Variants in MYO7A observed in about 807,000 individuals in gnomAD.
MYO7A encodes myosin VIIA.
In MYO7A, 210 loss-of-function variants were observed where a neutral mutation model predicts 263.8. That is an observed-to-expected ratio of 0.80 (90% CI 0.71 to 0.89). The LOEUF is 0.89. Ranked by LOEUF, MYO7A falls within the 40% of genes least tolerant of loss-of-function variation. The pLI is 0.00. For missense variants in MYO7A, 2,820 were observed against 2,968.3 expected (o/e 0.95, Z 1.16); for synonymous variants, 1,239 against 1,197.3 (o/e 1.03, Z -0.72).
At chr11:77,131,450 C>T (rs1950764420) in intron 2 of MYO7A, among the ~76,000 whole-genome samples, 1 of 152,220 alleles carries the variant, frequency 6.6e-6, no homozygotes, top group African/African-American at 2.4e-5. Context: ...GAGAGGCAGG[C>T]TTCAGGGCAG....
At chr11:77,163,010 C>G in intron 14 of MYO7A, 22 bp downstream of exon 14, 1 of 1,612,178 alleles carries the variant, frequency 6.2e-7, no homozygotes, top group Non-Finnish European at 8.5e-7. Context: ...TGCCGGCTGT[C>G]TGTCACTCCC....
intron 25 of MYO7A, 49 bp downstream of exon 25, chr11:77,182,649 AG>A (rs1955342360): frequency 1.9e-6 from 3 of 1,598,984 alleles, no homozygotes; most frequent in Admixed American, 1.7e-5. Context: ...GCCGACAAGG[AG>A]GGCCGCTGGC....
At chr11:77,194,083 T>C (rs1312311987) in intron 31 of MYO7A, 1 of 645,892 alleles carries the variant, frequency 1.5e-6, no homozygotes, top group East Asian at 3.1e-5. Context: ...TTTGCATCAC[T>C]TCATGTGCCC....
At position 77,161,124 on chromosome 11, in the gene MYO7A, TG is replaced by T. The variant is rs782309924; in HGVS notation, c.1343+13del. 5 of 1,613,674 alleles carry T rather than the reference TG, an allele frequency of 3.1e-6. No homozygotes were observed. In the South Asian group the frequency reaches 5.5e-5, roughly 18 times the overall value. Reference sequence around the variant, plus strand: ...AACTTTGCTGTGAACAGGTACCGCGTGGGGCTCTGCTCATGGGAATTTCCTT... The same window carrying T: ...AACTTTGCTGTGAACAGGTACCGCGTGGGCTCTGCTCATGGGAATTTCCTT... On this transcript the variant is annotated intron_variant, in intron 12 of 48. Transcript: ENST00000409709.
intron 44 of MYO7A, 192 bp from the exon 45 acceptor site, chr11:77,210,960 A>C: frequency 1.7e-6 from 1 of 574,758 alleles, no homozygotes; most frequent in Non-Finnish European, 3.1e-6. Context: ...GAGTCTGTGC[A>C]GGCAGACTTG....
chr11:77,132,467 T>TTTTG (rs113813737), intron 2 of MYO7A, among the ~76,000 whole-genome samples: 9,637 of 151,132 alleles, frequency 0.064, 420 homozygotes, highest in East Asian at 0.24. Flanking sequence ...AAAACAGGGG[T>TTTTG]TTTGTTTGTT....
chr11:77,152,989 A>T (rs1952107186), intron 4 of MYO7A, among the ~76,000 whole-genome samples: 1 of 152,120 alleles, frequency 6.6e-6, no homozygotes, highest in African/African-American at 2.4e-5. Context: ...CGAGGGTGGC[A>T]GGAGCCAGGG....
intron 19 of MYO7A, 132 bp from the exon 20 acceptor site, chr11:77,178,913 A>G: frequency 1.5e-6 from 1 of 674,958 alleles, no homozygotes. Flanking sequence ...CACAGAAGTT[A>G]TGTGCCTTGC....
intron 45 of MYO7A, 107 bp downstream of exon 45, chr11:77,211,444 T>C: frequency 7.9e-7 from 1 of 1,266,664 alleles, no homozygotes. Context: ...AGGTGCATCT[T>C]GTGGTTCTTG....
Position 77,183,042 on chromosome 11 carries a change from G to T in MYO7A, c.3286-26G>T. The T allele has an allele frequency of 1.9e-6, 3 of 1,546,448 alleles. No individual in the cohort carries two copies. The South Asian group carries it at 3.6e-5, about 18-fold the overall frequency. On this transcript the variant is annotated intron_variant, in intron 25 of 48. Transcript: ENST00000409709. Reference sequence around the variant, plus strand: ...GACATTGCTTTCTGCTCAGCCACTTGACCCTGATCCCTGCTGGTCCTGCAG... The same window carrying T: ...GACATTGCTTTCTGCTCAGCCACTTTACCCTGATCCCTGCTGGTCCTGCAG...
chr11:77,189,242 A>G, intron 27 of MYO7A, 102 bp from the exon 28 acceptor site: 2 of 1,518,838 alleles, frequency 1.3e-6, no homozygotes, highest in Non-Finnish European at 1.8e-6. Flanking sequence ...GGCAAGTTGG[A>G]GAGGACAGCT....
chr11:77,201,996 T>C (rs149577593), intron 36 of MYO7A, among the ~76,000 whole-genome samples: 68 of 152,220 alleles, frequency 4.5e-4, no homozygotes, highest in African/African-American at 1.5e-3. Context: ...GCTTCCCTAG[T>C]GGCTCCTGAG....
chr11:77,162,082 C>G lies in MYO7A; in HGVS notation c.1344-38C>G, dbSNP rs1555069190. 4 of 1,554,710 alleles carry G rather than the reference C, an allele frequency of 2.6e-6. No individual in the cohort carries two copies. The Admixed American group carries it at 7.6e-5, about 30-fold the overall frequency. On this transcript the variant is annotated intron_variant, in intron 12 of 48. Coordinates refer to ENST00000409709, the MANE Select transcript of MYO7A (RefSeq NM_000260.4). Reference sequence around the variant, plus strand: ...CAGGCCCTGAACAGCATGGTGGGGCCTGAACAACACCCTTACCCCATCCCT... The same window carrying G: ...CAGGCCCTGAACAGCATGGTGGGGCGTGAACAACACCCTTACCCCATCCCT...
chr11:77,198,059 C>T (rs571599807), intron 33 of MYO7A, among the ~76,000 whole-genome samples: 17 of 152,336 alleles, frequency 1.1e-4, no homozygotes, highest in African/African-American at 3.6e-4. Flanking sequence ...TCTGTGAAGT[C>T]GAGAGTAGCA....
rs782751752 is a variant in MYO7A at position 77,161,263 on chromosome 11, C to T, written c.1343+148C>T. 16 of 1,048,266 alleles carry T rather than the reference C, an allele frequency of 1.5e-5. No individual in the cohort carries two copies. The Admixed American group carries it at 2.4e-4, about 16-fold the overall frequency. 64.9% of individuals were successfully genotyped at this position (1,048,266 alleles called of 1,614,324 possible). A position where few individuals can be genotyped will look rare whatever the true frequency, so the allele number is the denominator to read the frequency against. ...CATCACGGTGGACCCTCTCCCTTTC[C>T]TTCCCATCCCCTCGTGTCCCTCACC... On this transcript the variant is annotated intron_variant, in intron 12 of 48. Transcript: ENST00000409709.
chr11:77,165,905 G>C lies in MYO7A; in HGVS notation c.1691-151G>C, dbSNP rs1313957134. 7 of 593,246 alleles carry C rather than the reference G, an allele frequency of 1.2e-5. No individual in the cohort carries two copies. The East Asian group carries it at 2.0e-4, about 17-fold the overall frequency. The allele number at this position is 593,246 out of a possible 1,614,324, so 36.7% of individuals were successfully genotyped here. A position where few individuals can be genotyped will look rare whatever the true frequency, so the allele number is the denominator to read the frequency against. ...TCACTTTCTCTATGATCTTGGGCAAGTCTCTGTCCCCTCCAGGCCTCAGGG... is the reference window on the plus strand; with the variant it reads ...TCACTTTCTCTATGATCTTGGGCAACTCTCTGTCCCCTCCAGGCCTCAGGG... On this transcript the variant is annotated intron_variant, in intron 14 of 48. Transcript: ENST00000409709.
At position 77,150,195 on chromosome 11, in the gene MYO7A, G is replaced by A. The variant is rs1358848179; in HGVS notation, c.285+2245G>A. Among the ~76,000 whole-genome samples the A allele has an allele frequency of 2.0e-5, 3 of 152,244 alleles. No homozygotes were observed. In the East Asian group the frequency reaches 5.8e-4, roughly 29 times the overall value. The stretch of plus-strand genomic sequence containing the variant: ...GGCCCCGTCTCAGGGGAGGAGCTGG[G>A]TAAAATGGAAGTTTTCCCGCCGGGC... On this transcript the variant is annotated intron_variant, in intron 4 of 48. Coordinates refer to ENST00000409709, the MANE Select transcript of MYO7A (RefSeq NM_000260.4).
rs1555061180 is a variant in MYO7A at position 77,155,798 on chromosome 11, C to A, written c.286-109C>A. 8 of 1,259,816 alleles carry A rather than the reference C, an allele frequency of 6.4e-6. No individual in the cohort carries two copies. In the East Asian group the frequency reaches 2.1e-4, roughly 32 times the overall value. 78.0% of individuals were successfully genotyped at this position (1,259,816 alleles called of 1,614,324 possible). ...CAGGTCCACCCACATGACTCCAAAG[C>A]CAGGACTCTTCCCTCCAGGGTGCTG... On this transcript the variant is annotated intron_variant, in intron 4 of 48. Coordinates refer to ENST00000409709, the MANE Select transcript of MYO7A (RefSeq NM_000260.4).
intron 33 of MYO7A, among the ~76,000 whole-genome samples, 187 bp from the exon 34 acceptor site, chr11:77,198,308 A>G (rs1010405275): frequency 2.6e-5 from 4 of 152,212 alleles, no homozygotes; most frequent in Non-Finnish European, 5.9e-5. Context: ...CAATTTCCCA[A>G]TTGAACACTC....
Sources: gnomAD v4.1 joint callset for allele counts (sites outside exome capture counted in the v4.1 genomes callset) on GRCh38, gnomAD v4.1.1 for gene constraint, MANE v1.5 for transcripts, NCBI Gene and HGNC (gene_info 2026-07-23, HGNC 2026-07-21) for gene names.